Variants in AKAP12 observed in about 807,000 individuals in gnomAD.
AKAP12 encodes A-kinase anchor protein 12.
A neutral mutation model predicts 79.9 loss-of-function variants in AKAP12; 32 were observed. The ratio of observed to expected loss-of-function variants is 0.40; its 90% confidence interval spans 0.30 to 0.54. The LOEUF (loss-of-function observed/expected upper bound fraction) is 0.54. Among genes scored for constraint, AKAP12 ranks in the 20% least tolerant of loss-of-function variants. The probability of loss-of-function intolerance (pLI) is 0.48; values close to 1 mark genes in which losing one functional copy is unlikely to be tolerated. For missense variants in AKAP12, 2,074 were observed against 2,177.0 expected, an observed-to-expected ratio of 0.95 and a Z score of 0.94; for synonymous variants, 808 against 857.0, an observed-to-expected ratio of 0.94 and a Z score of 1.00.
chr6:151,327,198 C>T (rs1446807681), intron 3 of AKAP12, among the ~76,000 whole-genome samples: 3 of 151,310 alleles, frequency 2.0e-5, no homozygotes, highest in Non-Finnish European at 4.4e-5. Context: ...CAAAGCCATG[C>T]GCTCCAGTGG....
chr6:151,266,361 T>C (rs1424127828), intron 2 of AKAP12, among the ~76,000 whole-genome samples: 1 of 152,208 alleles, frequency 6.6e-6, no homozygotes, highest in South Asian at 2.1e-4. Flanking sequence ...AACTTAGATA[T>C]GGTGCCAGCA....
intron 3 of AKAP12, among the ~76,000 whole-genome samples, chr6:151,336,937 T>G (rs1777828500): frequency 6.6e-6 from 1 of 152,194 alleles, no homozygotes; most frequent in Non-Finnish European, 1.5e-5. Context: ...AGCTAAAATT[T>G]AAACACCAGT....
chr6:151,352,552 G>A lies in AKAP12; in HGVS notation c.4161G>A (p.Lys1387=). 1 of 1,614,204 alleles carries A rather than the reference G, an allele frequency of 6.2e-7. No homozygotes were observed. The highest frequency in any genetic ancestry group is 2.2e-5 in the East Asian group (1 of 44,884). Residue 1387 remains lysine, a synonymous_variant, in exon 4 of 5, where the codon AAG becomes AAA. Transcript: ENST00000402676. ...TVNVPIIDGA[K]EVSSLEGSPP... is the part of the protein sequence containing the mutation. The stretch of plus-strand genomic sequence containing the variant: ...ATGTGCCCATCATAGATGGGGCAAA[G>A]GAAGTCAGCAGTTTGGAAGGAAGCC...
intron 2 of AKAP12, among the ~76,000 whole-genome samples, chr6:151,273,994 A>C (rs1023922460): frequency 2.1e-4 from 32 of 150,750 alleles, no homozygotes; most frequent in African/African-American, 7.0e-4. Context: ...GCACCACTGC[A>C]CTCCAGCCTG....
intron 3 of AKAP12, among the ~76,000 whole-genome samples, chr6:151,323,005 T>C (rs1407697505): frequency 1.3e-5 from 2 of 152,194 alleles, no homozygotes; most frequent in Non-Finnish European, 2.9e-5. Flanking sequence ...AAACAGAGAA[T>C]GGAAATGATA....
At chr6:151,243,679 T>C (rs1441966625) in intron 2 of AKAP12, among the ~76,000 whole-genome samples, 1 of 152,178 alleles carries the variant, frequency 6.6e-6, no homozygotes, top group Non-Finnish European at 1.5e-5. Flanking sequence ...TTACAGTCTT[T>C]ATATGTAAGA....
intron 3 of AKAP12, among the ~76,000 whole-genome samples, chr6:151,316,606 G>C (rs1209494555): frequency 6.6e-6 from 1 of 152,000 alleles, no homozygotes; most frequent in Admixed American, 6.6e-5. Flanking sequence ...GCACATTCCT[G>C]GTCTCTTGGT....
intron 2 of AKAP12, among the ~76,000 whole-genome samples, chr6:151,282,152 C>G (rs866753402): frequency 6.6e-6 from 1 of 151,928 alleles, no homozygotes; most frequent in African/African-American, 2.4e-5. Context: ...GGTGCTATCT[C>G]GGCTCACTGC....
intron 2 of AKAP12, among the ~76,000 whole-genome samples, chr6:151,289,545 G>C (rs1003841397): frequency 1.3e-5 from 2 of 152,174 alleles, no homozygotes; most frequent in African/African-American, 4.8e-5. Context: ...CTCGTACATA[G>C]TCACTTCTTA....
rs1796948858 is a variant in AKAP12, at chr6:151,240,471, G to A, written c.-92G>A. 15 of 1,292,030 alleles carry A rather than the reference G, an allele frequency of 1.2e-5. No individual in the cohort carries two copies. In the South Asian group the frequency reaches 2.1e-4, roughly 18 times the overall value. 80.0% of individuals were successfully genotyped at this position (1,292,030 alleles called of 1,614,324 possible). ...CGAAGGAAGGCGCTCTCGGGACCTC[G>A]CGGGCGCGCGTCTTTTGGCTCTTGC... On this transcript the variant is annotated 5_prime_UTR_variant, in exon 2 of 5. Coordinates refer to ENST00000402676, the MANE Select transcript of AKAP12 (RefSeq NM_005100.4).
At chr6:151,287,013 A>G (rs12213139) in intron 2 of AKAP12, among the ~76,000 whole-genome samples, 39,560 of 150,110 alleles carry the variant, frequency 0.26, 6,699 homozygotes, top group Non-Finnish European at 0.39. Context: ...ATCTCGGCTC[A>G]CTGCTCACCT....
intron 3 of AKAP12, among the ~76,000 whole-genome samples, chr6:151,317,175 C>G (rs1777256911): frequency 6.6e-6 from 1 of 152,168 alleles, no homozygotes; most frequent in Admixed American, 6.5e-5. Context: ...GGCTCTGAAC[C>G]AGGAGCCTAC....
At chr6:151,283,563 G>A (rs952562113) in intron 2 of AKAP12, among the ~76,000 whole-genome samples, 7 of 152,154 alleles carry the variant, frequency 4.6e-5, no homozygotes, top group African/African-American at 2.4e-5. Flanking sequence ...TCTGTCCTAC[G>A]CGCTTGGTAC....
At chr6:151,295,529 G>T (rs889199277) in intron 2 of AKAP12, among the ~76,000 whole-genome samples, 4 of 152,150 alleles carry the variant, frequency 2.6e-5, no homozygotes, top group African/African-American at 9.7e-5. Context: ...CTGCTGCTGT[G>T]CAGAAACCGT....
chr6:151,293,304 T>C (rs1776657501), intron 2 of AKAP12, among the ~76,000 whole-genome samples: 3 of 152,236 alleles, frequency 2.0e-5, no homozygotes, highest in Admixed American at 2.0e-4. Flanking sequence ...GCACGTATGC[T>C]GTAGATAAAA....
intron 2 of AKAP12, among the ~76,000 whole-genome samples, chr6:151,254,893 G>A (rs1797261632): frequency 6.6e-6 from 1 of 152,184 alleles, no homozygotes; most frequent in Non-Finnish European, 1.5e-5. Flanking sequence ...TGCAAAGAAT[G>A]CTTAAGTATT....
At chr6:151,307,390 T>C (rs1776999247) in intron 3 of AKAP12, among the ~76,000 whole-genome samples, 1 of 152,086 alleles carries the variant, frequency 6.6e-6, no homozygotes, top group African/African-American at 2.4e-5. Context: ...GCAAAGAGTT[T>C]TTATTGAAGG....
At chr6:151,355,635 T>A (rs1037146090) in intron 4 of AKAP12, 92 bp from the exon 5 acceptor site, 1 of 152,448 alleles carries the variant, frequency 6.6e-6, no homozygotes, top group African/African-American at 2.4e-5. Context: ...TAAACTATGG[T>A]ATTATTAGGT....
Position 151,350,437 on chromosome 6 carries a change from A to C in AKAP12, c.2046A>C (p.Leu682Phe), listed in dbSNP as rs765536067. 3.4e-5 allele frequency: 55 copies of C among 1,613,982 alleles called. 2 individuals carry two copies. The South Asian group carries it at 5.5e-4, about 16-fold the overall frequency. The change falls in exon 4 of 5, where the codon TTA becomes TTC. Residue 682 changes from leucine (L) to phenylalanine (F), a missense_variant. By Grantham distance (22) the Leu-to-Phe change is conservative. This residue lies in a region of AKAP12 where 1,428 missense variants were observed against 1,451.0 expected (regional missense o/e 0.98). Transcript: ENST00000402676. The surrounding 1 kb of genome is among the most constrained non-coding windows in gnomAD (Gnocchi z 4.8). ...ATACCTCAGTATCTTGGGAAGCTTT[A>C]ATTTGTGTGGGATCATCCAAGAAAA... ...KVDTSVSWEA[L>F]ICVGSSKKRA...
Sources: allele counts gnomAD v4.1 joint callset (sites outside exome capture counted in the v4.1 genomes callset), GRCh38; gene constraint gnomAD v4.1.1; regional missense constraint gnomAD v4.1.1; non-coding constraint Gnocchi (gnomAD v3.1); transcripts MANE v1.5; gene names NCBI Gene and HGNC (gene_info 2026-07-23, HGNC 2026-07-21).